Variants in ACSM6 observed in about 807,000 individuals in gnomAD.
ACSM6 encodes the protein acyl-CoA synthetase medium chain family member 6, also known as acyl-coenzyme A synthetase ACSM6, mitochondrial.
In ACSM6, 35 loss-of-function variants were observed where a neutral mutation model predicts 51.1. That is an observed-to-expected ratio of 0.69 (90% CI 0.52 to 0.91). The LOEUF (loss-of-function observed/expected upper bound fraction) is 0.91. Ranked by LOEUF, ACSM6 falls within the 40% of genes least tolerant of loss-of-function variation. The pLI is 0.00. For synonymous variants in ACSM6, 172 were observed against 207.3 expected, an observed-to-expected ratio of 0.83 and a Z score of 1.46; for missense variants, 509 against 584.1, an observed-to-expected ratio of 0.87 and a Z score of 1.32.
In ACSM6 at chr10:95,218,900, T is replaced by C. The variant is rs1389493585; in HGVS notation, c.1120-991T>C. Among the ~76,000 whole-genome samples the C allele has an allele frequency of 3.3e-5, 5 of 152,170 alleles. No homozygotes were observed. In the South Asian group the frequency reaches 6.2e-4, roughly 19 times the overall value. On this transcript the variant is annotated intron_variant, in intron 8 of 10. Coordinates refer to ENST00000341686, the Ensembl canonical transcript of ACSM6. Reference sequence around the variant, plus strand: ...TCTGGGGGCTCCCAATTTGTTAGCATGTAAACACAAGAAAATATTAAGTCT... The same window carrying C: ...TCTGGGGGCTCCCAATTTGTTAGCACGTAAACACAAGAAAATATTAAGTCT...
intron 9 of ACSM6, 115 bp downstream of exon 9, chr10:95,220,086 T>C: frequency 1.3e-6 from 1 of 778,446 alleles, no homozygotes; most frequent in Non-Finnish European, 2.1e-6. Flanking sequence ...TTCTCTAAAT[T>C]CACCCCAAGG....
At chr10:95,215,366 T>C (rs527376764) in intron 8 of ACSM6, among the ~76,000 whole-genome samples, 1 of 152,334 alleles carries the variant, frequency 6.6e-6, no homozygotes, top group South Asian at 2.1e-4. Context: ...AAATGGGTTA[T>C]GATAAGAGCA....
Position 95,224,473 on chromosome 10 carries a change from A to G in ACSM6, c.1201-817A>G, listed in dbSNP as rs549293890. Among the ~76,000 whole-genome samples, 6 of 152,242 alleles carry G rather than the reference A, an allele frequency of 3.9e-5. No individual in the cohort carries two copies. The South Asian group carries it at 1.2e-3, about 32-fold the overall frequency. ...CTCTTGTTGCCCAGGCTGGGGTGCA[A>G]TGGCATGATCTTGGCCTCCCGGGTT... On this transcript the variant is annotated intron_variant, in intron 9 of 10. Transcript: ENST00000341686.
intron 2 of ACSM6, 61 bp downstream of exon 2, chr10:95,194,738 A>G: frequency 1.4e-6 from 2 of 1,432,868 alleles, no homozygotes; most frequent in Non-Finnish European, 1.9e-6. Flanking sequence ...AAAGCGTCCA[A>G]AGATCATGAG....
At chr10:95,215,343 G>A (rs2034934288) in intron 8 of ACSM6, among the ~76,000 whole-genome samples, 1 of 152,174 alleles carries the variant, frequency 6.6e-6, no homozygotes, top group South Asian at 2.1e-4. Flanking sequence ...AGTAGATTAT[G>A]AAAATAAAGG....
chr10:95,222,093 G>GA (rs2034999846), intron 9 of ACSM6, among the ~76,000 whole-genome samples: 1 of 151,922 alleles, frequency 6.6e-6, no homozygotes, highest in South Asian at 2.1e-4. Context: ...AAAATAAAAG[G>GA]AAAAAAGAAG....
chr10:95,217,204 C>T (rs534230031), intron 8 of ACSM6, among the ~76,000 whole-genome samples: 34 of 148,806 alleles, frequency 2.3e-4, no homozygotes, highest in African/African-American at 8.6e-4. Context: ...AAAAATTAGC[C>T]GGGTGTGGTG....
chr10:95,203,397 G>A lies in ACSM6; in HGVS notation c.403+1202G>A, dbSNP rs570398454. Among the ~76,000 whole-genome samples the A allele has an allele frequency of 2.4e-4, 36 of 152,194 alleles. 1 individual carries two copies. The highest frequency in any genetic ancestry group is 3.3e-4 in the Admixed American group (5 of 15,286). On this transcript the variant is annotated intron_variant, in intron 3 of 10. Transcript: ENST00000341686. ...AGTGCACAATAAATGTAATGCACTCGAATCATCCCAAAACCATCCTCTTGC... is the reference window on the plus strand; with the variant it reads ...AGTGCACAATAAATGTAATGCACTCAAATCATCCCAAAACCATCCTCTTGC...
chr10:95,216,093 ATTTAT>A (rs1258502755), intron 8 of ACSM6, among the ~76,000 whole-genome samples: 2 of 151,926 alleles, frequency 1.3e-5, no homozygotes, highest in Non-Finnish European at 1.5e-5. Flanking sequence ...CATGCTTGCT[ATTTAT>A]TTTATTTTAT....
rs34370150 is a variant in ACSM6 at position 95,208,933 on chromosome 10, TAAAAAA to T, written c.611+1540_611+1545del. Among the ~76,000 whole-genome samples, 302 of 33,918 alleles carry T rather than the reference TAAAAAA, an allele frequency of 8.9e-3. 2 individuals are homozygous for T. Among genetic ancestry groups the T allele is most frequent in the African/African-American group, 0.028 (285 of 10,158 alleles). The allele number at this position is 33,918 out of a possible 152,430, so 22.3% of individuals were successfully genotyped here. ...CAGTATTTCAGTGTCCAGGGATGTT[TAAAAAA>T]AAAAAAAAAAAAAAAAAAAAAGCAG... On this transcript the variant is annotated intron_variant, in intron 4 of 10. Coordinates refer to ENST00000341686, the Ensembl canonical transcript of ACSM6.
In ACSM6 at chr10:95,228,602, G is replaced by C; in HGVS notation, c.1303-42G>C. 2.0e-6 allele frequency: 3 copies of C among 1,537,182 alleles called. No individual in the cohort carries two copies. In the South Asian group the frequency reaches 3.7e-5, roughly 19 times the overall value. On this transcript the variant is annotated intron_variant, in intron 10 of 10. Coordinates refer to ENST00000341686, the Ensembl canonical transcript of ACSM6. ...AATTCATATCACTAAATGATTGTGA[G>C]AGGGAAGTAAATGTAGGTTTCTGGA...
chr10:95,223,159 G>C (rs199997271), intron 9 of ACSM6, among the ~76,000 whole-genome samples: 2 of 146,796 alleles, frequency 1.4e-5, no homozygotes, highest in African/African-American at 2.5e-5. Flanking sequence ...CACACATACA[G>C]ACACACACAC....
At chr10:95,201,905 G>T (rs2034797274) in intron 2 of ACSM6, 80 bp from the exon 3 acceptor site, 3 of 1,219,616 alleles carry the variant, frequency 2.5e-6, no homozygotes, top group Non-Finnish European at 3.5e-6. Context: ...CCACTTGAGG[G>T]TGCTGTCTGG....
chr10:95,205,792 A>G (rs2034833572), intron 3 of ACSM6, among the ~76,000 whole-genome samples: 1 of 152,234 alleles, frequency 6.6e-6, no homozygotes, highest in Non-Finnish European at 1.5e-5. Flanking sequence ...AGTTATCTAA[A>G]GAAAGATACT....
In ACSM6 at chr10:95,198,720, A is replaced by AT. The variant is rs2034760745; in HGVS notation, c.193-3264dup. ...CTCTGACGGCCTAGGCCTGAACTAC[A>AT]TCAAAATGTGGTTGACAAGAAAATA... On this transcript the variant is annotated intron_variant, in intron 2 of 10. Transcript: ENST00000341686. Among the ~76,000 whole-genome samples the AT allele has an allele frequency of 2.0e-5, 3 of 152,292 alleles. No individual in the cohort carries two copies. The East Asian group carries it at 5.8e-4, about 29-fold the overall frequency.
Position 95,228,736 on chromosome 10 carries a change from G to A in ACSM6, c.1395G>A (p.Trp465Ter). The change falls in exon 11 of 11, where the codon TGG becomes TGA. Residue 465 changes from tryptophan to a stop codon, truncating the protein, a stop_gained. Coordinates refer to ENST00000341686, the Ensembl canonical transcript of ACSM6. LOFTEE classifies it low-confidence loss of function (END_TRUNC). ...TGGATGAAGACGGCTACTTCTGGTG[G>A]TCTGGTAGAGTTGATGATGTTGCCA... 1 of 1,551,768 alleles carries A rather than the reference G, an allele frequency of 6.4e-7. No homozygotes were observed. The highest frequency in any genetic ancestry group is 1.2e-5 in the South Asian group (1 of 84,052).
exon 3 of ACSM6, chr10:95,202,057 G>A: frequency 6.4e-7 from 1 of 1,551,872 alleles, no homozygotes; most frequent in Non-Finnish European, 8.7e-7. Context: ...ATGGAGCTTT[G>A]AAAGGATGAC....
chr10:95,201,378 ACTC>A (rs1368948276), intron 2 of ACSM6: 2 of 427,292 alleles, frequency 4.7e-6, no homozygotes, highest in African/African-American at 4.0e-5. Flanking sequence ...CCACTGTTTA[ACTC>A]CCACTTATAA....
chr10:95,195,566 A>G (rs1188867660), intron 2 of ACSM6, among the ~76,000 whole-genome samples: 1 of 152,172 alleles, frequency 6.6e-6, no homozygotes, highest in African/African-American at 2.4e-5. Context: ...TAACTCTCTG[A>G]GCCTCATTTC....
Sources: allele counts gnomAD v4.1 joint callset (sites outside exome capture counted in the v4.1 genomes callset), GRCh38; gene constraint gnomAD v4.1.1; transcripts MANE v1.5; gene names NCBI Gene and HGNC (gene_info 2026-07-23, HGNC 2026-07-21).